The following TOMM7 variants were observed in gnomAD, a reference collection of about 807,000 sequenced individuals.
TOMM7 encodes the protein translocase of outer mitochondrial membrane 7.
TOMM7 carries 8 observed loss-of-function variants against 9.5 expected under a neutral mutation model. The ratio of observed to expected loss-of-function variants is 0.84; its 90% CI spans 0.49 to 1.51. The LOEUF (loss-of-function observed/expected upper bound fraction) is 1.51, where lower values mean the gene tolerates loss of function less well. Among genes scored for constraint, TOMM7 ranks in the 40% most tolerant of loss-of-function variants. TOMM7 has a pLI of 0.00. For synonymous variants in TOMM7, 27 were observed against 21.4 expected (o/e 1.26, Z -0.72); for missense variants, 74 against 63.7 (o/e 1.16, Z -0.55).
At position 22,822,355 on chromosome 7, in the gene TOMM7, G is replaced by A. The variant is rs1248316277; in HGVS notation, c.103+322C>T. 37 of 1,400,720 alleles carry A rather than the reference G, an allele frequency of 2.6e-5. 1 individual carries two copies. The South Asian group carries it at 4.4e-4, about 17-fold the overall frequency. The allele number at this position is 1,400,720 out of a possible 1,614,324, so 86.8% of individuals were successfully genotyped here. On this transcript the variant is annotated intron_variant, in intron 1 of 2. Transcript: ENST00000358435. Reference sequence around the variant, plus strand: ...AAAAACACCCCGAGAACCACCTAGTGCTAGAGAGTGAATTAGTGACTTTCA... The same window carrying A: ...AAAAACACCCCGAGAACCACCTAGTACTAGAGAGTGAATTAGTGACTTTCA...
At chr7:22,819,862 T>G (rs1782364459) in intron 1 of TOMM7, among the ~76,000 whole-genome samples, 1 of 152,226 alleles carries the variant, frequency 6.6e-6, no homozygotes, top group Non-Finnish European at 1.5e-5. Flanking sequence ...AACAAGCGGC[T>G]CATTAAAACC....
In TOMM7 at chr7:22,818,331, T is replaced by C. The variant is rs1249889107; in HGVS notation, c.104-283A>G. 15 of 263,684 alleles carry C rather than the reference T, an allele frequency of 5.7e-5. No homozygotes were observed. The South Asian group carries it at 6.0e-4, about 11-fold the overall frequency. 16.3% of individuals were successfully genotyped at this position (263,684 alleles called of 1,614,324 possible). On this transcript the variant is annotated intron_variant, in intron 1 of 2. Coordinates refer to ENST00000358435, the MANE Select transcript of TOMM7 (RefSeq NM_019059.5). ...TCACCCAGGCTGGAGTGCTGTGGTATGATCTCGGCTCACTGCAACCTCTGT... is the reference window on the plus strand; with the variant it reads ...TCACCCAGGCTGGAGTGCTGTGGTACGATCTCGGCTCACTGCAACCTCTGT...
intron 2 of TOMM7, among the ~76,000 whole-genome samples, chr7:22,815,871 A>C (rs188053452): frequency 6.6e-6 from 1 of 152,276 alleles, no homozygotes; most frequent in African/African-American, 2.4e-5. Context: ...GAGTAGTTTT[A>C]GCTAGGAGGA....
At chr7:22,817,883 TATACTG>T (rs1272114795) in intron 2 of TOMM7, 111 bp downstream of exon 2, 2 of 975,806 alleles carry the variant, frequency 2.0e-6, no homozygotes, top group African/African-American at 3.3e-5. Flanking sequence ...AGCCCAAAAC[TATACTG>T]ACTGATAAAG....
intron 2 of TOMM7, chr7:22,817,692 A>C (rs151277640): frequency 3.9e-6 from 1 of 256,260 alleles, no homozygotes; most frequent in East Asian, 9.0e-5. Context: ...GAGCGATATA[A>C]AAGGTTGTAT....
intron 1 of TOMM7, among the ~76,000 whole-genome samples, chr7:22,819,429 A>G (rs1341250390): frequency 6.6e-6 from 1 of 151,526 alleles, no homozygotes; most frequent in Non-Finnish European, 1.5e-5. Flanking sequence ...GTGTAGTGGC[A>G]CGATCTCAGC....
chr7:22,817,973 T>C, intron 2 of TOMM7, 27 bp downstream of exon 2: 2 of 1,607,970 alleles, frequency 1.2e-6, no homozygotes, highest in Middle Eastern at 1.7e-4. Flanking sequence ...ACATTTGTCC[T>C]GAAATGTTTA....
At chr7:22,819,946 C>T (rs1222541669) in intron 1 of TOMM7, among the ~76,000 whole-genome samples, 1 of 152,286 alleles carries the variant, frequency 6.6e-6, no homozygotes, top group Middle Eastern at 3.4e-3. Context: ...GCACTATACT[C>T]CCTGAAGCAC....
intron 1 of TOMM7, among the ~76,000 whole-genome samples, chr7:22,820,362 T>C (rs975318265): frequency 6.6e-6 from 1 of 152,108 alleles, no homozygotes; most frequent in African/African-American, 2.4e-5. Context: ...AAATGAAAGA[T>C]AAACTCTAGT....
intron 2 of TOMM7, among the ~76,000 whole-genome samples, chr7:22,814,630 CACA>C (rs1268202430): frequency 3.9e-5 from 6 of 152,192 alleles, no homozygotes; most frequent in African/African-American, 1.4e-4. Flanking sequence ...CCTTGATAGT[CACA>C]TATTTTGCCT....
intron 1 of TOMM7, among the ~76,000 whole-genome samples, chr7:22,820,544 A>C (rs1449352722): frequency 6.6e-6 from 1 of 152,198 alleles, no homozygotes; most frequent in East Asian, 1.9e-4. Context: ...ACAAAAAGCA[A>C]GAGCACGCTA....
intron 2 of TOMM7, among the ~76,000 whole-genome samples, chr7:22,813,964 C>T (rs1206773317): frequency 6.8e-6 from 1 of 147,610 alleles, no homozygotes; most frequent in African/African-American, 2.6e-5. Flanking sequence ...AGAAAACACA[C>T]ATCTATTTCC....
At chr7:22,822,079 C>T (rs1423422305) in intron 1 of TOMM7, 1 of 1,513,138 alleles carries the variant, frequency 6.6e-7, no homozygotes, top group Non-Finnish European at 8.9e-7. Flanking sequence ...GCCCCACTGC[C>T]TGAGCCCCTA....
intron 1 of TOMM7, chr7:22,822,031 T>A: frequency 4.2e-6 from 5 of 1,183,244 alleles, no homozygotes; most frequent in Non-Finnish European, 5.7e-6. Flanking sequence ...CCCAAATCCT[T>A]TAAGTGCGCT....
chr7:22,816,683 A>C (rs1415516129), intron 2 of TOMM7, among the ~76,000 whole-genome samples: 1 of 152,274 alleles, frequency 6.6e-6, no homozygotes, highest in African/African-American at 2.4e-5. Context: ...AGAATAAAAA[A>C]GACCTTCCTC....
chr7:22,815,848 A>T (rs1199089090), intron 2 of TOMM7, among the ~76,000 whole-genome samples: 1 of 152,060 alleles, frequency 6.6e-6, no homozygotes, highest in Non-Finnish European at 1.5e-5. Context: ...AAACTATGGA[A>T]ACACAAAAAA....
chr7:22,820,164 CCT>C (rs1243273659), intron 1 of TOMM7, among the ~76,000 whole-genome samples: 2 of 152,044 alleles, frequency 1.3e-5, no homozygotes, highest in African/African-American at 4.8e-5. Context: ...ACAGCAAGAC[CCT>C]GTCTCTATTT....
chr7:22,815,494 G>A (rs914114456), intron 2 of TOMM7, among the ~76,000 whole-genome samples: 4 of 151,308 alleles, frequency 2.6e-5, no homozygotes, highest in African/African-American at 4.9e-5. Context: ...CCAGAAGTTC[G>A]AGACCAGACT....
At chr7:22,820,492 G>A (rs79775641) in intron 1 of TOMM7, among the ~76,000 whole-genome samples, 5,591 of 152,278 alleles carry the variant, frequency 0.037, 153 homozygotes, top group African/African-American at 0.07. Context: ...GGAGGGAACA[G>A]TAGATGAAAA....
Sources: allele counts gnomAD v4.1 joint callset (sites outside exome capture counted in the v4.1 genomes callset), GRCh38; gene constraint gnomAD v4.1.1; transcripts MANE v1.5; gene names NCBI Gene and HGNC (gene_info 2026-07-23, HGNC 2026-07-21).